GLP2R: variants seen among roughly 807,000 people sequenced by gnomAD.
GLP2R encodes the protein glucagon-like peptide 2 receptor.
A neutral mutation model predicts 68.2 loss-of-function variants in GLP2R; 59 were observed. The observed-to-expected ratio is 0.87, with a 90% CI of 0.70 to 1.07. The LOEUF is 1.07. Ranked by LOEUF, GLP2R falls within the 50% of genes least tolerant of loss-of-function variation. GLP2R has a pLI of 0.00. For missense variants in GLP2R, 548 were observed against 677.4 expected, an observed-to-expected ratio of 0.81 and a Z score of 2.12; for synonymous variants, 270 against 265.4, an observed-to-expected ratio of 1.02 and a Z score of -0.17.
At chr17:9,857,712 T>G in intron 6 of GLP2R, 136 bp downstream of exon 6, 1 of 834,336 alleles carries the variant, frequency 1.2e-6, no homozygotes, top group Non-Finnish European at 1.9e-6. Context: ...GCTAGAGAAG[T>G]AGTACGTGAC....
At position 9,890,152 on chromosome 17, in the gene GLP2R, T is replaced by C. The variant is rs901326124; in HGVS notation, c.*447T>C. On this transcript the variant is annotated 3_prime_UTR_variant, in exon 13 of 13. Transcript: ENST00000262441. ...AGAATCCTAGACTTGTGGCTAAGAT[T>C]CTAAGACAGTGAGTCTGGGACCATG... The C allele has an allele frequency of 4.6e-6, 2 of 434,162 alleles. No individual in the cohort carries two copies. Among genetic ancestry groups the C allele is most frequent in the Non-Finnish European group, 9.2e-6 (2 of 218,126 alleles). The allele number at this position is 434,162 out of a possible 1,614,324, so 26.9% of individuals were successfully genotyped here. A position where few individuals can be genotyped will look rare whatever the true frequency, so the allele number is the denominator to read the frequency against.
chr17:9,878,299 C>T (rs2067159652), intron 10 of GLP2R, among the ~76,000 whole-genome samples: 1 of 152,180 alleles, frequency 6.6e-6, no homozygotes, highest in Non-Finnish European at 1.5e-5. Flanking sequence ...AACCTGGACA[C>T]TTTTTCTAGA....
intron 9 of GLP2R, chr17:9,866,382 G>A (rs1455910542): frequency 6.1e-6 from 1 of 164,886 alleles, no homozygotes; most frequent in Non-Finnish European, 1.3e-5. Flanking sequence ...TGTTGCTACT[G>A]GCATCTAGTG....
At chr17:9,881,084 A>C (rs1480249592) in intron 11 of GLP2R, among the ~76,000 whole-genome samples, 1 of 152,190 alleles carries the variant, frequency 6.6e-6, no homozygotes, top group Non-Finnish European at 1.5e-5. Context: ...ATTATTTTTC[A>C]TGATTCTGGG....
intron 1 of GLP2R, among the ~76,000 whole-genome samples, chr17:9,830,059 G>A (rs1401294819): frequency 6.6e-6 from 1 of 152,234 alleles, no homozygotes; most frequent in East Asian, 1.9e-4. Context: ...TGGGAATCTG[G>A]CTGTGATTGA....
intron 4 of GLP2R, among the ~76,000 whole-genome samples, chr17:9,848,772 C>T (rs981977186): frequency 1.3e-5 from 2 of 151,688 alleles, no homozygotes; most frequent in African/African-American, 2.4e-5. Context: ...AAATCTTTGC[C>T]CTTCAGAGTT....
chr17:9,890,414 C>A lies in GLP2R; in HGVS notation c.*709C>A. ...CTCTGCTCTTCCTCTCCTATCAAGTCTTGCCTCTCTCTCTCTTTGCCTCAG... is the reference window on the plus strand; with the variant it reads ...CTCTGCTCTTCCTCTCCTATCAAGTATTGCCTCTCTCTCTCTTTGCCTCAG... On this transcript the variant is annotated 3_prime_UTR_variant, in exon 13 of 13. Transcript: ENST00000262441. 1 of 204,170 alleles carries A rather than the reference C, an allele frequency of 4.9e-6. No homozygotes were observed. Among genetic ancestry groups the A allele is most frequent in the Non-Finnish European group, 9.9e-6 (1 of 100,666 alleles). The allele number at this position is 204,170 out of a possible 1,614,324, so 12.6% of individuals were successfully genotyped here.
intron 4 of GLP2R, among the ~76,000 whole-genome samples, chr17:9,849,611 T>TC (rs1567724021): frequency 1.5e-5 from 2 of 133,996 alleles, no homozygotes; most frequent in Non-Finnish European, 3.2e-5. Context: ...CTCTTTCTTT[T>TC]TTTTTTTTTT....
intron 12 of GLP2R, among the ~76,000 whole-genome samples, chr17:9,888,222 G>A (rs2067260470): frequency 6.6e-6 from 1 of 152,160 alleles, no homozygotes; most frequent in Non-Finnish European, 1.5e-5. Context: ...GAGATGCAAG[G>A]AGTATTCAAA....
At position 9,845,742 on chromosome 17, in the gene GLP2R, TGTGTGC is replaced by T. The variant is rs201944950; in HGVS notation, c.504+3132_504+3137del. ...GGCTATTTGGTTGGATTTATGTGTG[TGTGTGC>T]GTGTGTGTGTGTGTGTGTGTGTGTG... On this transcript the variant is annotated intron_variant, in intron 4 of 12. Transcript: ENST00000262441. 3.7e-3 allele frequency among the ~76,000 whole-genome samples: 407 copies of T among 110,094 alleles called. 2 individuals are homozygous for T. Among genetic ancestry groups the T allele is most frequent in the African/African-American group, 0.017 (391 of 22,498 alleles). 72.2% of individuals were successfully genotyped at this position (110,094 alleles called of 152,430 possible). A position where few individuals can be genotyped will look rare whatever the true frequency, so the allele number is the denominator to read the frequency against.
At chr17:9,855,315 G>T (rs143254126) in intron 5 of GLP2R, among the ~76,000 whole-genome samples, 1 of 152,284 alleles carries the variant, frequency 6.6e-6, no homozygotes, top group Non-Finnish European at 1.5e-5. Context: ...CCAATCAGAG[G>T]CATTGAGTCA....
chr17:9,847,011 T>C (rs991269359), intron 4 of GLP2R, among the ~76,000 whole-genome samples: 3 of 152,214 alleles, frequency 2.0e-5, no homozygotes, highest in Admixed American at 2.0e-4. Flanking sequence ...AAAGAAAGGC[T>C]AGGATTTGTT....
At chr17:9,843,115 G>C (rs571584397) in intron 4 of GLP2R, among the ~76,000 whole-genome samples, 1 of 148,738 alleles carries the variant, frequency 6.7e-6, no homozygotes, top group South Asian at 2.1e-4. Flanking sequence ...CCTCTCATCA[G>C]AATGTAGATC....
chr17:9,879,917 G>A (rs1038994319), intron 10 of GLP2R, among the ~76,000 whole-genome samples: 15 of 152,060 alleles, frequency 9.9e-5, no homozygotes, highest in African/African-American at 3.6e-4. Context: ...TATGACCCTG[G>A]GCAACTCATT....
At chr17:9,856,055 T>G (rs894968686) in intron 5 of GLP2R, among the ~76,000 whole-genome samples, 9 of 152,230 alleles carry the variant, frequency 5.9e-5, no homozygotes, top group African/African-American at 2.2e-4. Context: ...AGCCCTGGGT[T>G]GGGCCTCATG....
At chr17:9,850,597 G>A (rs1370076465) in intron 4 of GLP2R, among the ~76,000 whole-genome samples, 1 of 152,094 alleles carries the variant, frequency 6.6e-6, no homozygotes, top group Non-Finnish European at 1.5e-5. Context: ...CTTCCCCAGT[G>A]GGATTAAGCT....
At position 9,842,617 on chromosome 17, in the gene GLP2R, G is replaced by T; in HGVS notation, c.504+1G>T. 1 of 1,613,408 alleles carries T rather than the reference G, an allele frequency of 6.2e-7. No individual in the cohort carries two copies. The highest frequency in any genetic ancestry group is 8.5e-7 in the Non-Finnish European group (1 of 1,179,958). ...CGAGAACCACAGCTTCAAGCAAAACGTGAGTTTGCTCAGCTCAGTGAGGAG... is the reference window on the plus strand; with the variant it reads ...CGAGAACCACAGCTTCAAGCAAAACTTGAGTTTGCTCAGCTCAGTGAGGAG... On this transcript the variant is annotated splice_donor_variant, in intron 4 of 12. Transcript: ENST00000262441. LOFTEE classifies it high-confidence loss of function.
At chr17:9,850,239 G>A (rs1450176847) in intron 4 of GLP2R, among the ~76,000 whole-genome samples, 2 of 152,184 alleles carry the variant, frequency 1.3e-5, no homozygotes, top group Non-Finnish European at 1.5e-5. Flanking sequence ...GAGCCTCTAG[G>A]AAAGTAGCCA....
At chr17:9,848,503 AGT>A in intron 4 of GLP2R, among the ~76,000 whole-genome samples, 1 of 152,170 alleles carries the variant, frequency 6.6e-6, no homozygotes, top group Admixed American at 6.5e-5. Context: ...GAGAACCACA[AGT>A]GTGCGGACAC....
Sources: allele counts gnomAD v4.1 joint callset (sites outside exome capture counted in the v4.1 genomes callset), GRCh38; gene constraint gnomAD v4.1.1; transcripts MANE v1.5; gene names NCBI Gene and HGNC (gene_info 2026-07-23, HGNC 2026-07-21).